Variants in CSMD1 observed in about 807,000 individuals in gnomAD.
CSMD1 encodes CUB and sushi domain-containing protein 1.
A neutral mutation model predicts 417.5 loss-of-function variants in CSMD1; 213 were observed. The observed-to-expected ratio is 0.51, with a 90% CI of 0.46 to 0.57. The LOEUF (loss-of-function observed/expected upper bound fraction) is 0.57. CSMD1 is among the 20% of genes least tolerant of loss of function. The pLI is 0.00. For missense variants in CSMD1, 6,923 were observed against 4,529.7 expected (o/e 1.53, Z -15.17); for synonymous variants, 2,862 against 1,736.8 (o/e 1.65, Z -16.11).
chr8:3,829,055 T>C (rs1309701497), intron 5 of CSMD1, among the ~76,000 whole-genome samples: 1 of 152,052 alleles, frequency 6.6e-6, no homozygotes, highest in Non-Finnish European at 1.5e-5. Context: ...CGTAAGTTAC[T>C]GGGGTATAGG....
intron 52 of CSMD1, among the ~76,000 whole-genome samples, chr8:3,015,176 T>G (rs1005011940): frequency 1.3e-5 from 2 of 152,158 alleles, no homozygotes; most frequent in African/African-American, 4.8e-5. Flanking sequence ...GTTTCAAGCA[T>G]AACTGAGGCA....
chr8:4,062,532 G>C (rs146591632), intron 3 of CSMD1, among the ~76,000 whole-genome samples: 5 of 152,210 alleles, frequency 3.3e-5, no homozygotes, highest in Non-Finnish European at 5.9e-5. Flanking sequence ...TAAATCACCT[G>C]TGGCATTGAC....
chr8:2,955,709 G>A lies in CSMD1; in HGVS notation c.9874C>T (p.Pro3292Ser). ...AHADVRAIDL[P>S]TFGYTLVYTC... ...TACACTAAGGTGTAGCCGAAAGTAG[G>A]AAGATCGATGGCTCTCACATCCGCG... Residue 3292 changes from proline to serine, a missense_variant, in exon 64 of 70, where the codon CCT becomes TCT. Pro to Ser is a moderately conservative substitution (Grantham distance 74). Transcript: ENST00000635120. 1 of 1,613,938 alleles carries A rather than the reference G, an allele frequency of 6.2e-7. No individual in the cohort carries two copies. Among genetic ancestry groups the A allele is most frequent in the Non-Finnish European group, 8.5e-7 (1 of 1,179,822 alleles).
chr8:4,936,821 T>C (rs1807652157), intron 1 of CSMD1, among the ~76,000 whole-genome samples: 1 of 152,234 alleles, frequency 6.6e-6, no homozygotes, highest in Non-Finnish European at 1.5e-5. Context: ...TTATAACAGC[T>C]TTGCTGCTAA....
chr8:4,041,448 C>T (rs547752895), intron 3 of CSMD1, among the ~76,000 whole-genome samples: 3 of 152,212 alleles, frequency 2.0e-5, no homozygotes, highest in East Asian at 1.9e-4. Flanking sequence ...CCTCAACCTA[C>T]ATCCAGCCTT....
intron 1 of CSMD1, among the ~76,000 whole-genome samples, chr8:4,664,954 A>G (rs1804822827): frequency 6.6e-6 from 1 of 152,236 alleles, no homozygotes; most frequent in African/African-American, 2.4e-5. Context: ...AGATATATTG[A>G]AAAATTGTAG....
intron 2 of CSMD1, among the ~76,000 whole-genome samples, chr8:4,599,900 A>T (rs937549314): frequency 2.6e-5 from 4 of 152,192 alleles, no homozygotes; most frequent in Non-Finnish European, 5.9e-5. Context: ...TAAACTGCTC[A>T]AAGTAGCATA....
At chr8:3,091,106 G>A (rs1009733371) in intron 48 of CSMD1, among the ~76,000 whole-genome samples, 1 of 151,824 alleles carries the variant, frequency 6.6e-6, no homozygotes, top group African/African-American at 2.4e-5. Context: ...AAAGAGACCT[G>A]CAGATAGATA....
intron 3 of CSMD1, among the ~76,000 whole-genome samples, chr8:4,184,830 C>G (rs572030416): frequency 2.0e-5 from 3 of 152,122 alleles, no homozygotes; most frequent in East Asian, 1.9e-4. Flanking sequence ...ACATGTACCC[C>G]TGAATTTAAA....
chr8:3,946,538 A>G (rs560193331), intron 5 of CSMD1, among the ~76,000 whole-genome samples: 1 of 152,274 alleles, frequency 6.6e-6, no homozygotes, highest in East Asian at 1.9e-4. Context: ...TGAATTTTAC[A>G]ATTAGTGTGT....
chr8:3,187,769 T>G lies in CSMD1; in HGVS notation c.5620+100A>C, dbSNP rs576112257. 2.5e-5 allele frequency: 21 copies of G among 828,978 alleles called. No individual in the cohort carries two copies. In the African/African-American group the frequency reaches 3.2e-4, roughly 13 times the overall value. The allele number at this position is 828,978 out of a possible 1,614,324, so 51.4% of individuals were successfully genotyped here. ...CCATTATGGAGATAGAAGAATTGTG[T>G]AGGAAAATTTCTATGTGGAGTGTTT... On this transcript the variant is annotated intron_variant, in intron 36 of 69. Coordinates refer to ENST00000635120, the MANE Select transcript of CSMD1 (RefSeq NM_033225.6).
chr8:4,772,022 TAA>T (rs1381935803), intron 1 of CSMD1, among the ~76,000 whole-genome samples: 2 of 152,300 alleles, frequency 1.3e-5, no homozygotes, highest in East Asian at 3.9e-4. Context: ...CTCTGCAGGT[TAA>T]AAGTCCCACG....
chr8:3,811,290 G>A lies in CSMD1; in HGVS notation c.819-57248C>T, dbSNP rs114445369. Among the ~76,000 whole-genome samples, 404 of 152,254 alleles carry A rather than the reference G, an allele frequency of 2.7e-3. 5 individuals carry two copies. Among genetic ancestry groups the A allele is most frequent in the African/African-American group, 8.5e-3 (354 of 41,542 alleles). On this transcript the variant is annotated intron_variant, in intron 5 of 69. Transcript: ENST00000635120. Reference sequence around the variant, plus strand: ...TTACCAGAGATAAGTTTATGAGCACGGAAAACTGCTAACCTGCTATAACCT... The same window carrying A: ...TTACCAGAGATAAGTTTATGAGCACAGAAAACTGCTAACCTGCTATAACCT...
chr8:4,955,231 G>A (rs925886814), intron 1 of CSMD1, among the ~76,000 whole-genome samples: 4 of 152,232 alleles, frequency 2.6e-5, no homozygotes, highest in East Asian at 3.9e-4. Flanking sequence ...TTTCAGAAAT[G>A]TTGCAATGCA....
intron 29 of CSMD1, among the ~76,000 whole-genome samples, chr8:3,215,345 A>G (rs1232013168): frequency 6.6e-6 from 1 of 152,242 alleles, no homozygotes; most frequent in East Asian, 1.9e-4. Context: ...TGTGCACTGG[A>G]TGTACTAACA....
chr8:3,196,110 A>T (rs1396718871), intron 33 of CSMD1, among the ~76,000 whole-genome samples: 1 of 152,208 alleles, frequency 6.6e-6, no homozygotes, highest in Non-Finnish European at 1.5e-5. Flanking sequence ...CAAGATGGCG[A>T]CTAAAGTGAC....
intron 3 of CSMD1, among the ~76,000 whole-genome samples, chr8:4,377,191 T>C: frequency 6.6e-6 from 1 of 152,166 alleles, no homozygotes; most frequent in East Asian, 1.9e-4. Flanking sequence ...TGATTACACA[T>C]CTTTTGGAAG....
At chr8:3,697,923 T>C (rs994087646) in intron 7 of CSMD1, among the ~76,000 whole-genome samples, 1 of 152,174 alleles carries the variant, frequency 6.6e-6, no homozygotes, top group African/African-American at 2.4e-5. Flanking sequence ...GTGAATCAAT[T>C]ATATTCTTTA....
chr8:4,053,823 T>C (rs750623656), intron 3 of CSMD1, among the ~76,000 whole-genome samples: 31 of 152,146 alleles, frequency 2.0e-4, no homozygotes, highest in Non-Finnish European at 3.1e-4. Flanking sequence ...TTTACAAAAA[T>C]GTTCAGTAGC....
Sources: allele counts gnomAD v4.1 joint callset (sites outside exome capture counted in the v4.1 genomes callset), GRCh38; gene constraint gnomAD v4.1.1; transcripts MANE v1.5; gene names NCBI Gene and HGNC (gene_info 2026-07-23, HGNC 2026-07-21).